ROBO2: variants seen among roughly 807,000 people sequenced by gnomAD.
ROBO2 encodes roundabout homolog 2.
In ROBO2, 53 loss-of-function variants were observed where a neutral mutation model predicts 160.8. The observed-to-expected ratio is 0.33, with a 90% confidence interval of 0.26 to 0.41. The LOEUF (loss-of-function observed/expected upper bound fraction) is 0.41, where lower values mean the gene tolerates loss of function less well. Among genes scored for constraint, ROBO2 ranks in the 10% least tolerant of loss-of-function variants. The probability of loss-of-function intolerance (pLI) is 1.00; values close to 1 mark genes in which losing one functional copy is unlikely to be tolerated. For synonymous variants in ROBO2, 664 were observed against 611.7 expected, an observed-to-expected ratio of 1.09 and a Z score of -1.26; for missense variants, 1,577 against 1,722.4, an observed-to-expected ratio of 0.92 and a Z score of 1.49.
At chr3:76,019,438 A>T (rs1013958290) in intron 2 of ROBO2, among the ~76,000 whole-genome samples, 6 of 150,408 alleles carry the variant, frequency 4.0e-5, no homozygotes, top group African/African-American at 1.5e-4. Context: ...GCCTCCCCAC[A>T]TGCTTTGGTT....
intron 2 of ROBO2, among the ~76,000 whole-genome samples, chr3:76,094,282 G>A (rs1034152664): frequency 1.3e-5 from 2 of 152,158 alleles, no homozygotes; most frequent in South Asian, 2.1e-4. Flanking sequence ...AGATGGATGC[G>A]GCAAAGCGCT....
chr3:77,629,985 A>C (rs2095123676), intron 23 of ROBO2: 1 of 152,212 alleles, frequency 6.6e-6, no homozygotes, highest in African/African-American at 2.4e-5. Context: ...GAGAACTGAT[A>C]TGCGAGTTTA....
At chr3:76,578,277 C>T in intron 2 of ROBO2, among the ~76,000 whole-genome samples, 1 of 152,056 alleles carries the variant, frequency 6.6e-6, no homozygotes, top group East Asian at 1.9e-4. Flanking sequence ...TGACTCCTTC[C>T]CAATCAGCAC....
chr3:76,238,515 A>T (rs1025299694), intron 2 of ROBO2, among the ~76,000 whole-genome samples: 6 of 151,876 alleles, frequency 4.0e-5, no homozygotes, highest in African/African-American at 9.7e-5. Flanking sequence ...ACATGGGGAA[A>T]ACCACGGCCA....
chr3:77,221,272 G>C (rs996515230), intron 2 of ROBO2, among the ~76,000 whole-genome samples: 1 of 152,170 alleles, frequency 6.6e-6, no homozygotes, highest in African/African-American at 2.4e-5. Context: ...TCATCATTCA[G>C]ACCAAGTAGA....
intron 2 of ROBO2, among the ~76,000 whole-genome samples, chr3:76,344,616 G>T (rs1446956419): frequency 6.6e-6 from 1 of 152,126 alleles, no homozygotes; most frequent in Non-Finnish European, 1.5e-5. Flanking sequence ...TAATGAAATA[G>T]CAGAAATGAT....
At chr3:76,440,711 C>T (rs1385525050) in intron 2 of ROBO2, among the ~76,000 whole-genome samples, 1 of 152,244 alleles carries the variant, frequency 6.6e-6, no homozygotes, top group Non-Finnish European at 1.5e-5. Context: ...ATCACTAACC[C>T]TCTGACACTT....
chr3:77,446,109 T>A (rs2080479730), intron 2 of ROBO2, among the ~76,000 whole-genome samples: 1 of 152,090 alleles, frequency 6.6e-6, no homozygotes, highest in Admixed American at 6.6e-5. Context: ...TATTTGCTAA[T>A]TGTGAGCAAA....
In ROBO2 at chr3:76,076,312, G is replaced by A. The variant is rs76435034; in HGVS notation, c.109+138710G>A. Among the ~76,000 whole-genome samples the A allele has an allele frequency of 7.1e-3, 1,077 of 152,224 alleles. 63 individuals are homozygous for A. In the East Asian group the frequency reaches 0.15, roughly 22 times the overall value. On this transcript the variant is annotated intron_variant, in intron 2 of 26. Coordinates refer to the ROBO2 transcript ENST00000487694. ...AGTAACCCAGAAGAAAATTGCAATG[G>A]CCTTTCACCAGCACAACTGTTTTAG... is the stretch of plus-strand genomic sequence containing the variant.
At chr3:76,463,736 A>G (rs1398719005) in intron 2 of ROBO2, among the ~76,000 whole-genome samples, 1 of 152,128 alleles carries the variant, frequency 6.6e-6, no homozygotes, top group Non-Finnish European at 1.5e-5. Context: ...AGGGTTATCT[A>G]TTGCCACCTG....
chr3:77,521,045 T>C (rs1433023432), intron 5 of ROBO2, among the ~76,000 whole-genome samples: 1 of 151,342 alleles, frequency 6.6e-6, no homozygotes, highest in African/African-American at 2.4e-5. Context: ...CTAGTGTTTC[T>C]TGAGCTCCTA....
chr3:77,199,669 G>A (rs2082642908), intron 2 of ROBO2, among the ~76,000 whole-genome samples: 1 of 143,288 alleles, frequency 7.0e-6, no homozygotes, highest in Non-Finnish European at 1.5e-5. Flanking sequence ...GTCTCCTCAG[G>A]TCTGAGTGCA....
intron 1 of ROBO2, among the ~76,000 whole-genome samples, chr3:77,090,511 C>T (rs1559984797): frequency 6.6e-6 from 1 of 151,504 alleles, no homozygotes; most frequent in Non-Finnish European, 1.5e-5. Flanking sequence ...CACCACCACG[C>T]CCGGCTAACT....
At chr3:76,444,450 A>G (rs1270613921) in intron 2 of ROBO2, among the ~76,000 whole-genome samples, 1 of 152,186 alleles carries the variant, frequency 6.6e-6, no homozygotes, top group Non-Finnish European at 1.5e-5. Context: ...GTAATTTTAA[A>G]GGAAAGAGGT....
chr3:76,685,554 A>G (rs2092667878), intron 2 of ROBO2, among the ~76,000 whole-genome samples: 1 of 152,070 alleles, frequency 6.6e-6, no homozygotes, highest in African/African-American at 2.4e-5. Flanking sequence ...TCACTTAACT[A>G]TACTTTCCCC....
intron 24 of ROBO2, chr3:77,642,675 TCCA>T: frequency 2.2e-6 from 1 of 455,482 alleles, no homozygotes; most frequent in Non-Finnish European, 4.4e-6. Flanking sequence ...TTTTAGATCT[TCCA>T]CCACCACCAG....
intron 2 of ROBO2, among the ~76,000 whole-genome samples, chr3:76,437,729 C>T (rs1414469965): frequency 6.6e-6 from 1 of 152,086 alleles, no homozygotes; most frequent in African/African-American, 2.4e-5. Flanking sequence ...TTGTGCTGTA[C>T]TCAAGTGAAT....
intron 1 of ROBO2, among the ~76,000 whole-genome samples, chr3:77,086,507 C>T (rs73843470): frequency 1.7e-3 from 259 of 152,170 alleles, no homozygotes; most frequent in African/African-American, 5.9e-3. Context: ...TTCTTAAAAA[C>T]GAACATGCAC....
chr3:76,815,404 C>T (rs1235133103), intron 2 of ROBO2, among the ~76,000 whole-genome samples: 1 of 151,294 alleles, frequency 6.6e-6, no homozygotes. Context: ...GTTTGAAAAC[C>T]TGCTCCCAGT....
Sources: gnomAD v4.1 joint callset for allele counts (sites outside exome capture counted in the v4.1 genomes callset) on GRCh38, gnomAD v4.1.1 for gene constraint, MANE v1.5 for transcripts, NCBI Gene and HGNC (gene_info 2026-07-23, HGNC 2026-07-21) for gene names.